The following BPIFA3 variants were observed in gnomAD, a reference collection of about 807,000 sequenced individuals.
BPIFA3 encodes the protein BPI fold-containing family A member 3.
BPIFA3 carries 32 observed loss-of-function variants against 29.7 expected under a neutral mutation model. The observed-to-expected ratio is 1.08, with a 90% CI of 0.81 to 1.45. BPIFA3 has a LOEUF of 1.45. Ranked by LOEUF, BPIFA3 falls within the 40% of genes most tolerant of loss-of-function variation. The pLI, the probability that BPIFA3 is intolerant of heterozygous loss-of-function variation, is 0.00. For missense variants in BPIFA3, 323 were observed against 311.3 expected (o/e 1.04, Z -0.28); for synonymous variants, 112 against 113.7 (o/e 0.98, Z 0.10).
chr20:33,219,348 A>C (rs948779617), intron 1 of BPIFA3, among the ~76,000 whole-genome samples: 1 of 152,100 alleles, frequency 6.6e-6, no homozygotes, highest in Non-Finnish European at 1.5e-5. Context: ...TGCATTGTGA[A>C]TATTTCTCCC....
chr20:33,227,559 C>A lies in BPIFA3; in HGVS notation c.707C>A (p.Pro236Gln). The A allele has an allele frequency of 6.2e-7, 1 of 1,614,080 alleles. No homozygotes were observed. Among genetic ancestry groups the A allele is most frequent in the Non-Finnish European group, 8.5e-7 (1 of 1,179,956 alleles). The change falls in exon 7 of 7, where the codon CCA (proline) becomes CAA (glutamine). Residue 236 changes from proline (P) to glutamine (Q), a missense_variant. Transcript: ENST00000375454. ...SLIEQEAAHEPTHHETSQPSA... is the reference protein window; with the variant it reads ...SLIEQEAAHEQTHHETSQPSA... Reference sequence around the variant, plus strand: ...ACAGAACAGGAGGCTGCTCATGAACCAACCCACCATGAAACCAGCCAACCC... The same window carrying A: ...ACAGAACAGGAGGCTGCTCATGAACAAACCCACCATGAAACCAGCCAACCC...
rs1985678967 is a variant in BPIFA3 at position 33,224,426 on chromosome 20, C to A, written c.350C>A (p.Ala117Glu). Residue 117 changes from alanine to glutamate, a missense_variant, in exon 3 of 7, where the codon GCA becomes GAA. Physicochemically the swap from Ala to Glu is moderately radical, Grantham distance 107. Transcript: ENST00000375454. ...QISFHKEWFS[A>E]NISLEFDLEL... ...TCATTCCATAAGGAGTGGTTCTCGG[C>A]AAATATCTCACTTGAATTTGACCTT... 6.2e-7 allele frequency: 1 copy of A among 1,614,066 alleles called. No homozygotes were observed. Among genetic ancestry groups the A allele is most frequent in the Non-Finnish European group, 8.5e-7 (1 of 1,179,900 alleles).
At chr20:33,224,288 C>G (rs1985669402) in intron 2 of BPIFA3, 67 bp from the exon 3 acceptor site, 1 of 1,302,904 alleles carries the variant, frequency 7.7e-7, no homozygotes, top group Non-Finnish European at 1.1e-6. Context: ...CCTTGTTTCT[C>G]AGCAGGAAGC....
intron 1 of BPIFA3, among the ~76,000 whole-genome samples, chr20:33,219,698 C>A (rs934204902): frequency 2.6e-5 from 4 of 152,220 alleles, no homozygotes; most frequent in African/African-American, 9.7e-5. Context: ...TGTATCTGTA[C>A]ATCTGTTTTA....
chr20:33,220,123 G>T (rs911466710), intron 1 of BPIFA3, among the ~76,000 whole-genome samples: 5 of 150,482 alleles, frequency 3.3e-5, no homozygotes, highest in African/African-American at 1.2e-4. Context: ...ATCAGGGCGG[G>T]CGCAGTGGCT....
intron 2 of BPIFA3, 36 bp downstream of exon 2, chr20:33,223,997 C>T: frequency 6.2e-7 from 1 of 1,607,444 alleles, no homozygotes; most frequent in Non-Finnish European, 8.5e-7. Flanking sequence ...CCCTGGAACT[C>T]TTTATAGAGC....
intron 1 of BPIFA3, among the ~76,000 whole-genome samples, chr20:33,220,652 T>C (rs796708302): frequency 8.5e-5 from 13 of 152,348 alleles, no homozygotes; most frequent in African/African-American, 3.1e-4. Context: ...TATTTTCTAG[T>C]TGGAATTGCA....
In BPIFA3 at chr20:33,217,615, C is replaced by A. The variant is rs1222400085; in HGVS notation, c.79C>A (p.Pro27Thr). ...LPLAPHKQPW[P>T]GLAQAHRDNK... Reference sequence around the variant, plus strand: ...CTTGGCACCACACAAGCAGCCTTGGCCTGGCCTGGCCCAAGCCCACAGAGA... The same window carrying A: ...CTTGGCACCACACAAGCAGCCTTGGACTGGCCTGGCCCAAGCCCACAGAGA... The change falls in exon 1 of 7, where the codon CCT (proline) becomes ACT (threonine). Residue 27 changes from proline (P) to threonine (T), a missense_variant. Transcript: ENST00000375454. 1.2e-6 allele frequency: 2 copies of A among 1,614,010 alleles called. No individual in the cohort carries two copies. Among genetic ancestry groups the A allele is most frequent in the Non-Finnish European group, 1.7e-6 (2 of 1,180,012 alleles).
chr20:33,227,732 T>C lies in BPIFA3; in HGVS notation c.*115T>C. 2 of 824,984 alleles carry C rather than the reference T, an allele frequency of 2.4e-6. No individual in the cohort carries two copies. Among genetic ancestry groups the C allele is most frequent in the Non-Finnish European group, 2.0e-6 (1 of 508,140 alleles). 51.1% of individuals were successfully genotyped at this position (824,984 alleles called of 1,614,324 possible). A position where few individuals can be genotyped will look rare whatever the true frequency, so the allele number is the denominator to read the frequency against. On this transcript the variant is annotated 3_prime_UTR_variant, in exon 7 of 7. Coordinates refer to ENST00000375454, the MANE Select transcript of BPIFA3 (RefSeq NM_178466.5). Reference sequence around the variant, plus strand: ...GCTCTGTGGACATACCATCCTCTCCTACAATAAACTCTAGCTCTGAAGGGT... The same window carrying C: ...GCTCTGTGGACATACCATCCTCTCCCACAATAAACTCTAGCTCTGAAGGGT...
intron 1 of BPIFA3, among the ~76,000 whole-genome samples, chr20:33,218,761 G>A (rs1047759748): frequency 6.6e-6 from 1 of 151,960 alleles, no homozygotes; most frequent in African/African-American, 2.4e-5. Flanking sequence ...ACTGGGGGAG[G>A]AGAGGGCACA....
chr20:33,223,171 T>C (rs1382276527), intron 1 of BPIFA3, among the ~76,000 whole-genome samples: 1 of 152,046 alleles, frequency 6.6e-6, no homozygotes, highest in Non-Finnish European at 1.5e-5. Context: ...ATGACAAAGG[T>C]TTCTGCTGCT....
At chr20:33,225,697 A>C (rs951704137) in intron 4 of BPIFA3, 9 of 167,560 alleles carry the variant, frequency 5.4e-5, no homozygotes, top group Non-Finnish European at 1.0e-4. Context: ...CTGGGTAAAC[A>C]GCAACTCCCA....
At position 33,226,427 on chromosome 20, in the gene BPIFA3, T is replaced by C; in HGVS notation, c.558T>C (p.Asn186=). The C allele has an allele frequency of 1.2e-6, 2 of 1,612,892 alleles. No homozygotes were observed. Among genetic ancestry groups the C allele is most frequent in the Non-Finnish European group, 1.7e-6 (2 of 1,179,208 alleles). ...ILTEAIPPKM[N]QFLYNLKENL... is the part of the protein sequence containing the mutation. ...CTAGGGCTATCCCACCAAAGATGAA[T>C]CAGTTTCTCTACAACCTCAAAGAGA... The change falls in exon 5 of 7, where the codon AAT becomes AAC. Residue 186 remains asparagine (N), a synonymous_variant. Transcript: ENST00000375454.
chr20:33,227,014 G>A, intron 6 of BPIFA3, 21 bp downstream of exon 6: 1 of 1,606,832 alleles, frequency 6.2e-7, no homozygotes, highest in South Asian at 1.1e-5. Flanking sequence ...GGTCCATCCA[G>A]TGAGGACTTC....
At chr20:33,222,694 G>T (rs77097552) in intron 1 of BPIFA3, among the ~76,000 whole-genome samples, 2,147 of 151,020 alleles carry the variant, frequency 0.014, 71 homozygotes, top group African/African-American at 0.05. Context: ...ATGGATGAGC[G>T]GATGAATGGA....
chr20:33,226,329 T>C (rs529142071), intron 4 of BPIFA3, 77 bp from the exon 5 acceptor site: 214 of 1,043,598 alleles, frequency 2.1e-4, no homozygotes, highest in Non-Finnish European at 2.8e-4. Context: ...GTGGAAAGTA[T>C]ACTCAACACA....
In BPIFA3 at chr20:33,225,087, C is replaced by G. The variant is rs2146488262; in HGVS notation, c.387-11C>G. ...CCCTTGCCCTTCCTCCTCTTCCTCT[C>G]TCATCTGCAGGTCCTTCGATAACAA... is the stretch of plus-strand genomic sequence containing the variant. On this transcript the variant is annotated splice_polypyrimidine_tract_variant and intron_variant, in intron 3 of 6. Transcript: ENST00000375454. 6.2e-7 allele frequency: 1 copy of G among 1,613,438 alleles called. No homozygotes were observed. Among genetic ancestry groups the G allele is most frequent in the South Asian group, 1.1e-5 (1 of 91,028 alleles).
intron 1 of BPIFA3, chr20:33,223,526 CCAGACTGAAATA>C (rs1985623516): frequency 3.2e-6 from 1 of 313,444 alleles, no homozygotes; most frequent in East Asian, 5.5e-5. Context: ...GCTCCGTGCT[CCAGACTGAAATA>C]CAGTGTTGGG....
intron 1 of BPIFA3, among the ~76,000 whole-genome samples, chr20:33,221,541 C>A (rs904937413): frequency 5.3e-5 from 8 of 152,224 alleles, no homozygotes; most frequent in Admixed American, 2.6e-4. Context: ...TTTCTTGGTA[C>A]TGTCCTTGAG....
Sources: gnomAD v4.1 joint callset for allele counts (sites outside exome capture counted in the v4.1 genomes callset) on GRCh38, gnomAD v4.1.1 for gene constraint, MANE v1.5 for transcripts, NCBI Gene and HGNC (gene_info 2026-07-23, HGNC 2026-07-21) for gene names.